The following POLR3H variants were observed in gnomAD, a reference collection of about 807,000 sequenced individuals.
POLR3H encodes DNA-directed RNA polymerase III subunit RPC8.
POLR3H carries 17 observed loss-of-function variants against 25.5 expected under a neutral mutation model. The observed-to-expected ratio is 0.67, with a 90% CI of 0.46 to 1.00. The LOEUF (loss-of-function observed/expected upper bound fraction) is 1.00, where lower values mean the gene tolerates loss of function less well. Among genes scored for constraint, POLR3H ranks in the 50% least tolerant of loss-of-function variants. POLR3H has a pLI of 0.00. For synonymous variants in POLR3H, 129 were observed against 103.0 expected (o/e 1.25, Z -1.53); for missense variants, 274 against 265.0 (o/e 1.03, Z -0.24).
intron 2 of POLR3H, among the ~76,000 whole-genome samples, chr22:41,534,965 G>A (rs944907541): frequency 6.6e-6 from 1 of 151,980 alleles, no homozygotes; most frequent in African/African-American, 2.4e-5. Flanking sequence ...GTTGTTCCTG[G>A]TGGGAGGGGG....
At chr22:41,536,600 T>C (rs2066851278) in intron 2 of POLR3H, among the ~76,000 whole-genome samples, 1 of 149,074 alleles carries the variant, frequency 6.7e-6, no homozygotes, top group Non-Finnish European at 1.5e-5. Context: ...GCGCAGTGGC[T>C]CATGCCTATA....
At position 41,528,663 on chromosome 22, in the gene POLR3H, T is replaced by C; in HGVS notation, c.*620A>G. ...CTGGCGTCAAGTTCAGCTCCACGTGTGCCATCAGTGGATCCGATCCGTCCA... is the reference window on the plus strand; with the variant it reads ...CTGGCGTCAAGTTCAGCTCCACGTGCGCCATCAGTGGATCCGATCCGTCCA... On this transcript the variant is annotated 3_prime_UTR_variant, in exon 6 of 6. Coordinates refer to ENST00000355209, the MANE Select transcript of POLR3H (RefSeq NM_001018050.4). 6.2e-7 allele frequency: 1 copy of C among 1,600,454 alleles called. No homozygotes were observed. The highest frequency in any genetic ancestry group is 8.5e-7 in the Non-Finnish European group (1 of 1,175,692).
In POLR3H at chr22:41,528,068, A is replaced by C. The variant is rs1402893920; in HGVS notation, c.*1215T>G. 6.2e-7 allele frequency: 1 copy of C among 1,612,704 alleles called. No individual in the cohort carries two copies. The highest frequency in any genetic ancestry group is 1.7e-5 in the Admixed American group (1 of 59,972). Reference sequence around the variant, plus strand: ...TGAGGTGGTGGGGTGAGGGGCAGCCACCTTGTTTCCCCTCCTGCACTGGCC... The same window carrying C: ...TGAGGTGGTGGGGTGAGGGGCAGCCCCCTTGTTTCCCCTCCTGCACTGGCC... On this transcript the variant is annotated 3_prime_UTR_variant, in exon 6 of 6. Coordinates refer to ENST00000355209, the MANE Select transcript of POLR3H (RefSeq NM_001018050.4).
chr22:41,528,447 C>T lies in POLR3H; in HGVS notation c.*836G>A. On this transcript the variant is annotated 3_prime_UTR_variant, in exon 6 of 6. Transcript: ENST00000355209. ...GGGGCCAAGGGCACACAGTACCCAC[C>T]ACTTCCACCCACACCCACCTTCTCC... 2 of 1,609,006 alleles carry T rather than the reference C, an allele frequency of 1.2e-6. No homozygotes were observed. Among genetic ancestry groups the T allele is most frequent in the Non-Finnish European group, 1.7e-6 (2 of 1,178,606 alleles).
intron 1 of POLR3H, 70 bp downstream of exon 1, chr22:41,543,921 G>A (rs765296006): frequency 3.1e-5 from 34 of 1,108,010 alleles, no homozygotes; most frequent in South Asian, 6.4e-5. Flanking sequence ...GACCGAGGCC[G>A]GGCCTGCGGC....
At chr22:41,532,005 G>T in intron 4 of POLR3H, 89 bp downstream of exon 4, 1 of 1,189,704 alleles carries the variant, frequency 8.4e-7, no homozygotes, top group Non-Finnish European at 1.3e-6. Flanking sequence ...TCAGGTTACA[G>T]GCCCCAAAGG....
intron 2 of POLR3H, among the ~76,000 whole-genome samples, chr22:41,538,372 C>A (rs916087462): frequency 3.3e-5 from 5 of 151,932 alleles, no homozygotes; most frequent in Admixed American, 3.3e-4. Flanking sequence ...ATGATCTGCC[C>A]GCCTCGGCCT....
At chr22:41,536,640 C>T (rs1185729395) in intron 2 of POLR3H, among the ~76,000 whole-genome samples, 3 of 150,712 alleles carry the variant, frequency 2.0e-5, no homozygotes, top group South Asian at 4.2e-4. Context: ...CCAAGGCGGG[C>T]GGATCGCCTG....
chr22:41,528,620 T>A lies in POLR3H; in HGVS notation c.*663A>T. 6.4e-7 allele frequency: 1 copy of A among 1,557,928 alleles called. No homozygotes were observed. The stretch of plus-strand genomic sequence containing the variant: ...GAAGGAACTGCAACAGTGAGGGCAG[T>A]GCCTCCCCGCCCCGCCGCTGGCGTC... On this transcript the variant is annotated 3_prime_UTR_variant, in exon 6 of 6. Transcript: ENST00000355209.
chr22:41,533,184 G>GCCAGCAGC (rs2066775914), intron 2 of POLR3H, among the ~76,000 whole-genome samples: 1 of 152,224 alleles, frequency 6.6e-6, no homozygotes, highest in African/African-American at 2.4e-5. Flanking sequence ...TGAGGCGCAG[G>GCCAGCAGC]CCAGCAGCCC....
At chr22:41,542,196 C>T (rs1274590585) in intron 1 of POLR3H, among the ~76,000 whole-genome samples, 2 of 152,012 alleles carry the variant, frequency 1.3e-5, no homozygotes, top group East Asian at 3.9e-4. Flanking sequence ...TGATTCTTCT[C>T]CCTCTGCCTC....
Position 41,527,890 on chromosome 22 carries a change from C to T in POLR3H, c.*1393G>A, listed in dbSNP as rs777112552. On this transcript the variant is annotated 3_prime_UTR_variant, in exon 6 of 6. Transcript: ENST00000355209. Reference sequence around the variant, plus strand: ...CAGGCCCCCGATGACCGAATGCCGCCTGCTTTCCAGAGACCAACCTGAAGA... The same window carrying T: ...CAGGCCCCCGATGACCGAATGCCGCTTGCTTTCCAGAGACCAACCTGAAGA... The T allele has an allele frequency of 6.2e-7, 1 of 1,614,190 alleles. No individual in the cohort carries two copies. The highest frequency in any genetic ancestry group is 1.1e-5 in the South Asian group (1 of 91,086).
At chr22:41,538,697 G>A (rs908888703) in intron 2 of POLR3H, among the ~76,000 whole-genome samples, 7 of 152,194 alleles carry the variant, frequency 4.6e-5, no homozygotes, top group African/African-American at 1.7e-4. Flanking sequence ...AGAGGCCCTC[G>A]TGGTTGTTTT....
In POLR3H at chr22:41,543,995, T is replaced by C. The variant is rs750720524; in HGVS notation, c.107A>G (p.Asn36Ser). 2 of 1,612,442 alleles carry C rather than the reference T, an allele frequency of 1.2e-6. No homozygotes were observed. Among genetic ancestry groups the C allele is most frequent in the African/African-American group, 1.3e-5 (1 of 75,042 alleles). ...IAEELNKKLA[N>S]KVVYNVGLCI... ...CGCGAGCCGTGGGCCCAGTACCTTGTTGGCCAACTTCTTGTTCAGCTCCTC... is the reference window on the plus strand; with the variant it reads ...CGCGAGCCGTGGGCCCAGTACCTTGCTGGCCAACTTCTTGTTCAGCTCCTC... The change falls in exon 1 of 6, where the codon AAC becomes AGC. Residue 36 changes from asparagine to serine, a missense_variant. Transcript: ENST00000355209.
intron 5 of POLR3H, among the ~76,000 whole-genome samples, chr22:41,530,165 T>C (rs2066698440): frequency 1.3e-5 from 2 of 151,972 alleles, no homozygotes; most frequent in South Asian, 4.1e-4. Flanking sequence ...CATTTCATTG[T>C]GTTGCCCAAG....
intron 5 of POLR3H, among the ~76,000 whole-genome samples, chr22:41,529,970 T>C (rs1236198625): frequency 1.3e-5 from 2 of 152,036 alleles, no homozygotes; most frequent in Non-Finnish European, 1.5e-5. Context: ...TTAGCCAGGA[T>C]GGTCTCAATC....
At chr22:41,542,375 C>T (rs1296984802) in intron 1 of POLR3H, among the ~76,000 whole-genome samples, 4 of 152,080 alleles carry the variant, frequency 2.6e-5, no homozygotes, top group East Asian at 1.9e-4. Context: ...TGAGCCCCCA[C>T]GCCCGGCCTG....
chr22:41,528,416 C>T lies in POLR3H; in HGVS notation c.*867G>A, dbSNP rs1009923503. On this transcript the variant is annotated 3_prime_UTR_variant, in exon 6 of 6. Coordinates refer to ENST00000355209, the MANE Select transcript of POLR3H (RefSeq NM_001018050.4). ...AGGCAGTGCCCTGTCTCCCTGACCC[C>T]CCTGCGGGGCCAAGGGCACACAGTA... 1 of 1,584,516 alleles carries T rather than the reference C, an allele frequency of 6.3e-7. No individual in the cohort carries two copies. Among genetic ancestry groups the T allele is most frequent in the African/African-American group, 1.3e-5 (1 of 74,350 alleles).
chr22:41,527,295 G>A lies in POLR3H; in HGVS notation c.*1988C>T. 1 of 1,614,220 alleles carries A rather than the reference G, an allele frequency of 6.2e-7. No homozygotes were observed. Among genetic ancestry groups the A allele is most frequent in the Non-Finnish European group, 8.5e-7 (1 of 1,180,026 alleles). Reference sequence around the variant, plus strand: ...CCCCCGCTTGCCTGACAGAAACATGGCATCAGGTGGGTGGTGATCGGAGAC... The same window carrying A: ...CCCCCGCTTGCCTGACAGAAACATGACATCAGGTGGGTGGTGATCGGAGAC... On this transcript the variant is annotated 3_prime_UTR_variant, in exon 6 of 6. Transcript: ENST00000355209.
Sources: allele counts gnomAD v4.1 joint callset (sites outside exome capture counted in the v4.1 genomes callset), GRCh38; gene constraint gnomAD v4.1.1; transcripts MANE v1.5; gene names NCBI Gene and HGNC (gene_info 2026-07-23, HGNC 2026-07-21).